Variants in SYNE2 observed in about 807,000 individuals in gnomAD.
SYNE2 encodes the protein spectrin repeat containing nuclear envelope protein 2, also known as nesprin-2.
A neutral mutation model predicts 856.3 loss-of-function variants in SYNE2; 431 were observed. The observed-to-expected ratio is 0.50, with a 90% CI of 0.47 to 0.55. The LOEUF is 0.55. Among genes scored for constraint, SYNE2 ranks in the 20% least tolerant of loss-of-function variants. The probability of loss-of-function intolerance (pLI) is 0.00; values close to 1 mark genes in which losing one functional copy is unlikely to be tolerated. For synonymous variants in SYNE2, 2,923 were observed against 2,872.3 expected, an observed-to-expected ratio of 1.02 and a Z score of -0.56; for missense variants, 8,129 against 8,023.2, an observed-to-expected ratio of 1.01 and a Z score of -0.50.
chr14:64,076,607 T>C (rs576766823), intron 54 of SYNE2, among the ~76,000 whole-genome samples: 5 of 152,240 alleles, frequency 3.3e-5, no homozygotes, highest in African/African-American at 1.2e-4. Flanking sequence ...AAAGTCCAGA[T>C]TTAAAGAAAA....
chr14:64,149,157 T>C (rs2098217401), intron 84 of SYNE2, among the ~76,000 whole-genome samples: 1 of 151,136 alleles, frequency 6.6e-6, no homozygotes, highest in Non-Finnish European at 1.5e-5. Flanking sequence ...AAAAAAAAGT[T>C]ATCTGGGCAT....
chr14:63,989,898 C>G (rs567719884), intron 19 of SYNE2, among the ~76,000 whole-genome samples: 1 of 152,220 alleles, frequency 6.6e-6, no homozygotes, highest in African/African-American at 2.4e-5. Flanking sequence ...GATCAGCCCA[C>G]TTCAGCCTCC....
rs1274280248 is a variant in SYNE2 at position 63,814,721 on chromosome 14, CAT to C, written c.-304-37771_-304-37770del. On this transcript the variant is annotated intron_variant, in intron 1 of 23. Transcript: ENST00000674003. ...ATATCCATATATATCCATATATATC[CAT>C]ATATATATCCATATATATATCCATA... Among the ~76,000 whole-genome samples, 41 of 88,882 alleles carry C rather than the reference CAT, an allele frequency of 4.6e-4. 1 individual carries two copies. The highest frequency in any genetic ancestry group is 2.3e-3 in the South Asian group (6 of 2,606). The allele number at this position is 88,882 out of a possible 152,430, so 58.3% of individuals were successfully genotyped here.
chr14:63,977,621 A>G (rs1481197498), intron 12 of SYNE2, among the ~76,000 whole-genome samples: 1 of 152,128 alleles, frequency 6.6e-6, no homozygotes, highest in Non-Finnish European at 1.5e-5. Flanking sequence ...TTAGCTGGGT[A>G]TTGTGCTCTG....
At chr14:64,100,402 G>C (rs1829408453) in intron 63 of SYNE2, 1 of 150,266 alleles carries the variant, frequency 6.7e-6, no homozygotes, top group South Asian at 2.1e-4. Flanking sequence ...TGTAGTCCCA[G>C]CTACTTGGGA....
chr14:64,024,171 A>G lies in SYNE2; in HGVS notation c.5638-86A>G, dbSNP rs1423792657. The G allele has an allele frequency of 8.8e-6, 10 of 1,133,160 alleles. No individual in the cohort carries two copies. The East Asian group carries it at 2.0e-4, about 22-fold the overall frequency. 70.2% of individuals were successfully genotyped at this position (1,133,160 alleles called of 1,614,324 possible). ...TCTTAAGAAGGTGGTATGTCTGTGTACTGGTTTGGAAAAGTGTCGTGAGGG... is the reference window on the plus strand; with the variant it reads ...TCTTAAGAAGGTGGTATGTCTGTGTGCTGGTTTGGAAAAGTGTCGTGAGGG... On this transcript the variant is annotated intron_variant, in intron 38 of 115. Coordinates refer to ENST00000555002, the MANE Select transcript of SYNE2 (RefSeq NM_182914.3).
In SYNE2 at chr14:64,137,869, G is replaced by A. The variant is rs34121793; in HGVS notation, c.14729G>A (p.Ser4910Asn). 1 of 1,614,226 alleles carries A rather than the reference G, an allele frequency of 6.2e-7. No individual in the cohort carries two copies. The highest frequency in any genetic ancestry group is 1.3e-5 in the African/African-American group (1 of 75,048). ...GGCAAACAGTTGGTGGCGTCTGTGA[G>A]CTGTCCTGAATTAGAGGGCCAGATC... ...NEGKQLVASVSCPELEGQIAK... is the reference protein window; with the variant it reads ...NEGKQLVASVNCPELEGQIAK... The change falls in exon 79 of 116, where the codon AGC becomes AAC. Residue 4910 changes from serine to asparagine, a missense_variant. Around this residue, in one of 3 missense-constraint regions of SYNE2, gnomAD observed 5,410 missense variants for 5,284.8 expected, o/e 1.02. Coordinates refer to ENST00000555002, the MANE Select transcript of SYNE2 (RefSeq NM_182914.3).
chr14:63,807,820 T>C (rs1456350389), intron 1 of SYNE2, among the ~76,000 whole-genome samples: 1 of 8,464 alleles, frequency 1.2e-4, no homozygotes, highest in African/African-American at 7.6e-4. Flanking sequence ...ACTCCAGGCT[T>C]ATATATATAT....
intron 1 of SYNE2, among the ~76,000 whole-genome samples, chr14:63,847,608 C>T (rs1488732230): frequency 1.9e-4 from 27 of 139,218 alleles, no homozygotes; most frequent in Non-Finnish European, 3.0e-4. Flanking sequence ...TTTTTTGAGA[C>T]GGAGTCTCGC....
chr14:63,773,639 A>C (rs568096704), intron 1 of SYNE2, among the ~76,000 whole-genome samples: 6 of 152,270 alleles, frequency 3.9e-5, no homozygotes, highest in African/African-American at 1.4e-4. Flanking sequence ...ATACCATGCT[A>C]TAGACTGAAA....
At chr14:64,092,605 G>A (rs1264375938) in intron 60 of SYNE2, among the ~76,000 whole-genome samples, 1 of 152,176 alleles carries the variant, frequency 6.6e-6, no homozygotes, top group Non-Finnish European at 1.5e-5. Context: ...AAACTTTGTA[G>A]TTTTAAAAGG....
chr14:64,098,107 G>A lies in SYNE2; in HGVS notation c.12267G>A (p.Glu4089=), dbSNP rs1431828074. 6.2e-7 allele frequency: 1 copy of A among 1,614,130 alleles called. No homozygotes were observed. Among genetic ancestry groups the A allele is most frequent in the Admixed American group, 1.7e-5 (1 of 60,016 alleles). The change falls in exon 62 of 116, where the codon GAG becomes GAA. Residue 4089 remains glutamate, a synonymous_variant. Transcript: ENST00000555002. Reference sequence around the variant, plus strand: ...ATAGGCTGCCAGCTGTAACATCAGAGGAAGGTGGAGTGGCAGAGAGGGATG... The same window carrying A: ...ATAGGCTGCCAGCTGTAACATCAGAAGAAGGTGGAGTGGCAGAGAGGGATG... ...ERDRLPAVTS[E]EGGVAERDAS...
rs1329690039 is a variant in SYNE2, at chr14:64,065,539, C to G, written c.10320C>G (p.Leu3440=). 1.2e-6 allele frequency: 2 copies of G among 1,614,014 alleles called. No individual in the cohort carries two copies. The highest frequency in any genetic ancestry group is 1.1e-5 in the South Asian group (1 of 91,062). ...CAGAAAATGATGGCATATGTTTGCTCAAGATTGTGTCGGCTCTGTGGGAGA... is the reference window on the plus strand; with the variant it reads ...CAGAAAATGATGGCATATGTTTGCTGAAGATTGTGTCGGCTCTGTGGGAGA... The part of the protein sequence containing the change: ...RCTENDGICL[L]KIVSALWEKW... The change falls in exon 51 of 116, where the codon CTC becomes CTG. Residue 3440 remains leucine, a synonymous_variant. Transcript: ENST00000555002.
At chr14:63,801,215 A>G (rs1040097033) in intron 1 of SYNE2, among the ~76,000 whole-genome samples, 7 of 152,198 alleles carry the variant, frequency 4.6e-5, no homozygotes, top group African/African-American at 1.7e-4. Flanking sequence ...GGGTTTCTTA[A>G]TGCAGAGTCA....
chr14:64,129,404 C>G (rs1395870804), intron 74 of SYNE2, among the ~76,000 whole-genome samples: 1 of 152,188 alleles, frequency 6.6e-6, no homozygotes, highest in East Asian at 1.9e-4. Context: ...CCATTGAGAG[C>G]TGACTGATAA....
At position 64,120,456 on chromosome 14, in the gene SYNE2, T is replaced by C. The variant is rs147472062; in HGVS notation, c.13024-471T>C. On this transcript the variant is annotated intron_variant, in intron 67 of 115. Transcript: ENST00000555002. ...AATGTAGTAGTTTTTGAAGTTGTTA[T>C]GAAATAGGTACATTAAATCATAGTA... Among the ~76,000 whole-genome samples the C allele has an allele frequency of 5.9e-3, 902 of 152,346 alleles. 10 individuals carry two copies. Among genetic ancestry groups the C allele is most frequent in the African/African-American group, 0.021 (856 of 41,582 alleles).
chr14:64,052,272 G>A lies in SYNE2; in HGVS notation c.8359G>A (p.Glu2787Lys). Residue 2787 changes from glutamate to lysine, a missense_variant, in exon 48 of 116, where the codon GAA becomes AAA. Glu to Lys is a moderately conservative substitution (Grantham distance 56). Around this residue, in one of 3 missense-constraint regions of SYNE2, gnomAD observed 5,410 missense variants for 5,284.8 expected, o/e 1.02. Coordinates refer to ENST00000555002, the MANE Select transcript of SYNE2 (RefSeq NM_182914.3). ...ARQQSVESLA[E>K]EVKDKVPSLT... is the part of the protein sequence containing the mutation. ...GCAGCAGTCTGTGGAATCGTTGGCT[G>A]AAGAGGTCAAAGATAAGGTTCCTAG... is the stretch of plus-strand genomic sequence containing the variant. 6.2e-7 allele frequency: 1 copy of A among 1,614,218 alleles called. No individual in the cohort carries two copies. Among genetic ancestry groups the A allele is most frequent in the South Asian group, 1.1e-5 (1 of 91,086 alleles).
At position 63,876,139 on chromosome 14, in the gene SYNE2, G is replaced by A. The variant is rs370577325; in HGVS notation, c.-52+22996G>A. ...TTAAAACTTATTTAATCGGCTGGAC[G>A]TGGTGGCTCACACTTGTAATCCTAG... On this transcript the variant is annotated intron_variant, in intron 1 of 115. Coordinates refer to ENST00000555002, the MANE Select transcript of SYNE2 (RefSeq NM_182914.3). 1.6e-4 allele frequency among the ~76,000 whole-genome samples: 25 copies of A among 152,048 alleles called. No homozygotes were observed. In the East Asian group the frequency reaches 2.1e-3, roughly 13 times the overall value.
intron 99 of SYNE2, among the ~76,000 whole-genome samples, chr14:64,191,475 C>CAG (rs376289214): frequency 1.2e-4 from 19 of 152,156 alleles, no homozygotes; most frequent in Non-Finnish European, 2.5e-4. Flanking sequence ...TTACTGGTGG[C>CAG]AGAGAGAGAG....
Sources: gnomAD v4.1 joint callset for allele counts (sites outside exome capture counted in the v4.1 genomes callset) on GRCh38, gnomAD v4.1.1 for gene constraint, gnomAD v4.1.1 regional missense constraint, MANE v1.5 for transcripts, NCBI Gene and HGNC (gene_info 2026-07-23, HGNC 2026-07-21) for gene names.